The following CSMD1 variants were observed in gnomAD, a reference collection of about 807,000 sequenced individuals.
CSMD1 encodes CUB and sushi domain-containing protein 1.
In CSMD1, 213 loss-of-function variants were observed where a neutral mutation model predicts 417.5. The ratio of observed to expected loss-of-function variants is 0.51; its 90% CI spans 0.46 to 0.57. The LOEUF (loss-of-function observed/expected upper bound fraction) is 0.57. Ranked by LOEUF, CSMD1 falls within the 20% of genes least tolerant of loss-of-function variation. The pLI is 0.00. For missense variants in CSMD1, 6,923 were observed against 4,529.7 expected, an observed-to-expected ratio of 1.53 and a Z score of -15.17; for synonymous variants, 2,862 against 1,736.8, an observed-to-expected ratio of 1.65 and a Z score of -16.11.
chr8:4,920,375 A>T (rs1309317067), intron 1 of CSMD1, among the ~76,000 whole-genome samples: 1 of 152,248 alleles, frequency 6.6e-6, no homozygotes, highest in African/African-American at 2.4e-5. Flanking sequence ...GAAAATGCAT[A>T]TGGAAATGCT....
chr8:4,337,665 CACAG>C (rs1327197355), intron 3 of CSMD1, among the ~76,000 whole-genome samples: 1 of 152,138 alleles, frequency 6.6e-6, no homozygotes, highest in Non-Finnish European at 1.5e-5. Context: ...AGATTATTCT[CACAG>C]ACAATTTTTT....
intron 7 of CSMD1, among the ~76,000 whole-genome samples, chr8:3,644,770 C>T (rs1289430869): frequency 6.6e-6 from 1 of 151,930 alleles, no homozygotes; most frequent in Non-Finnish European, 1.5e-5. Context: ...GAATCACAAT[C>T]GCTTGTAGAA....
chr8:4,262,679 C>G (rs766416522), intron 3 of CSMD1, among the ~76,000 whole-genome samples: 1 of 152,246 alleles, frequency 6.6e-6, no homozygotes, highest in South Asian at 2.1e-4. Context: ...AACCAGGACC[C>G]TCAGCCTCCA....
Position 4,943,166 on chromosome 8 carries a change from T to C in CSMD1, c.85+51166A>G, listed in dbSNP as rs778140947. 5.9e-5 allele frequency among the ~76,000 whole-genome samples: 9 copies of C among 152,308 alleles called. No homozygotes were observed. The East Asian group carries it at 1.7e-3, about 29-fold the overall frequency. Reference sequence around the variant, plus strand: ...TTCTAATCAGTTAGTAAGGTCTTCATTATGTATACCGTTTTCAAAGCACAT... The same window carrying C: ...TTCTAATCAGTTAGTAAGGTCTTCACTATGTATACCGTTTTCAAAGCACAT... On this transcript the variant is annotated intron_variant, in intron 1 of 69. Transcript: ENST00000635120.
chr8:4,244,588 G>T (rs942449883), intron 3 of CSMD1, among the ~76,000 whole-genome samples: 3 of 150,994 alleles, frequency 2.0e-5, no homozygotes, highest in Admixed American at 6.6e-5. Flanking sequence ...ATCAACTATT[G>T]TAGATCTGTC....
chr8:4,272,916 TAAG>T (rs1051427095), intron 3 of CSMD1, among the ~76,000 whole-genome samples: 30 of 152,256 alleles, frequency 2.0e-4, no homozygotes, highest in Non-Finnish European at 3.4e-4. Context: ...AGAAATCAAA[TAAG>T]AAGTATTTTG....
At chr8:3,591,567 T>A (rs1426830609) in intron 8 of CSMD1, among the ~76,000 whole-genome samples, 2 of 152,204 alleles carry the variant, frequency 1.3e-5, no homozygotes, top group Admixed American at 6.5e-5. Flanking sequence ...AGCTGTCCGC[T>A]GTTTACCAGA....
Position 3,659,783 on chromosome 8 carries a change from A to G in CSMD1, c.1010-42986T>C, listed in dbSNP as rs17325712. On this transcript the variant is annotated intron_variant, in intron 7 of 69. Transcript: ENST00000635120. ...TACTGGTAAAGATCTTGAATTCCCA[A>G]TACGCAATAGAACTGGGAAGTAAAA... Among the ~76,000 whole-genome samples, 6 of 152,314 alleles carry G rather than the reference A, an allele frequency of 3.9e-5. No homozygotes were observed. The East Asian group carries it at 7.7e-4, about 20-fold the overall frequency.
intron 1 of CSMD1, among the ~76,000 whole-genome samples, chr8:4,709,708 C>T (rs1032246219): frequency 1.3e-5 from 2 of 152,168 alleles, no homozygotes; most frequent in East Asian, 1.9e-4. Context: ...CCTGGGGCAC[C>T]TGTGGGAAGC....
At chr8:3,093,526 G>T (rs561067600) in intron 47 of CSMD1, among the ~76,000 whole-genome samples, 43 of 152,236 alleles carry the variant, frequency 2.8e-4, no homozygotes, top group Non-Finnish European at 5.4e-4. Flanking sequence ...AAATTAGCTG[G>T]GCGTGGCGGC....
intron 5 of CSMD1, among the ~76,000 whole-genome samples, chr8:3,826,201 G>A (rs1463478151): frequency 6.6e-6 from 1 of 152,118 alleles, no homozygotes; most frequent in East Asian, 1.9e-4. Context: ...AGGCCTTCAC[G>A]GTGGAGCTGG....
chr8:4,874,874 T>C (rs1802952857), intron 1 of CSMD1, among the ~76,000 whole-genome samples: 1 of 148,362 alleles, frequency 6.7e-6, no homozygotes, highest in Non-Finnish European at 1.5e-5. Context: ...ATAGTGTATA[T>C]ATAGTATAGA....
intron 3 of CSMD1, among the ~76,000 whole-genome samples, chr8:4,334,555 G>C (rs1352385610): frequency 6.6e-6 from 1 of 152,086 alleles, no homozygotes; most frequent in Non-Finnish European, 1.5e-5. Flanking sequence ...CAGATAGTAT[G>C]AAAGATTGAT....
intron 1 of CSMD1, among the ~76,000 whole-genome samples, chr8:4,865,762 G>A (rs1247971264): frequency 6.6e-6 from 1 of 151,716 alleles, no homozygotes; most frequent in Admixed American, 6.6e-5. Context: ...CTCAACCCTA[G>A]CCCCAAACAA....
intron 6 of CSMD1, among the ~76,000 whole-genome samples, chr8:3,727,957 G>A (rs532989548): frequency 6.6e-6 from 1 of 152,122 alleles, no homozygotes; most frequent in Non-Finnish European, 1.5e-5. Context: ...GGTAATGAGA[G>A]TTTAATGGGT....
intron 3 of CSMD1, among the ~76,000 whole-genome samples, chr8:4,150,087 C>T (rs919782901): frequency 6.6e-5 from 10 of 152,220 alleles, no homozygotes; most frequent in South Asian, 4.2e-4. Flanking sequence ...AAAATGAACT[C>T]GTTTGTTTTT....
chr8:4,785,957 A>G (rs547978945), intron 1 of CSMD1, among the ~76,000 whole-genome samples: 1 of 152,320 alleles, frequency 6.6e-6, no homozygotes, highest in East Asian at 1.9e-4. Context: ...GTTTTCAACA[A>G]TTATAGGAAA....
chr8:4,281,219 C>G (rs991221844), intron 3 of CSMD1, among the ~76,000 whole-genome samples: 13 of 152,128 alleles, frequency 8.5e-5, no homozygotes, highest in African/African-American at 3.1e-4. Flanking sequence ...GTGGAAAATA[C>G]TTTGCTACCT....
At chr8:4,436,435 G>C (rs1330553554) in intron 2 of CSMD1, among the ~76,000 whole-genome samples, 1 of 151,940 alleles carries the variant, frequency 6.6e-6, no homozygotes, top group Admixed American at 6.6e-5. Context: ...TGTATTTGTG[G>C]GGTACATGGC....
Sources: gnomAD v4.1 joint callset for allele counts (sites outside exome capture counted in the v4.1 genomes callset) on GRCh38, gnomAD v4.1.1 for gene constraint, MANE v1.5 for transcripts, NCBI Gene and HGNC (gene_info 2026-07-23, HGNC 2026-07-21) for gene names.